Variants in SCAF8 observed in about 807,000 individuals in gnomAD.
SCAF8 encodes SR-related CTD associated factor 8, also known as SR-related and CTD-associated factor 8.
SCAF8 carries 23 observed loss-of-function variants against 140.5 expected under a neutral mutation model. That is an observed-to-expected ratio of 0.16 (90% CI 0.12 to 0.23). The LOEUF is 0.23. SCAF8 is among the 10% of genes least tolerant of loss of function. SCAF8 has a pLI of 1.00. For synonymous variants in SCAF8, 575 were observed against 528.9 expected (o/e 1.09, Z -1.20); for missense variants, 1,397 against 1,555.7 (o/e 0.90, Z 1.72).
chr6:154,816,314 T>C (rs757754953), intron 13 of SCAF8, among the ~76,000 whole-genome samples: 1 of 152,140 alleles, frequency 6.6e-6, no homozygotes, highest in Non-Finnish European at 1.5e-5. Context: ...AAATGTTAGG[T>C]AAGAAAATCA....
At chr6:154,806,035 G>T (rs72993460) in intron 9 of SCAF8, among the ~76,000 whole-genome samples, 3,302 of 152,260 alleles carry the variant, frequency 0.022, 39 homozygotes, top group African/African-American at 0.025. Flanking sequence ...CAGAGGAAGT[G>T]GAAGCTTGGT....
rs57095332 is a variant in SCAF8, at chr6:154,790,489, A to ATTTTTTTTTTTTTTTTTTTTTTTTTTT, written c.322-2321_322-2295dup. On this transcript the variant is annotated intron_variant, in intron 4 of 19. Transcript: ENST00000367178. ...TTGTAAAACATATACATTTAACAGA[A>ATTTTTTTTTTTTTTTTTTTTTTTTTTT]TTTTTTTTTTTTTTTTTTTTTTTTT... 1.1e-4 allele frequency among the ~76,000 whole-genome samples: 8 copies of ATTTTTTTTTTTTTTTTTTTTTTTTTTT among 70,878 alleles called. 2 individuals are homozygous for ATTTTTTTTTTTTTTTTTTTTTTTTTTT. Among genetic ancestry groups the ATTTTTTTTTTTTTTTTTTTTTTTTTTT allele is most frequent in the Non-Finnish European group, 1.1e-4 (4 of 37,996 alleles). The allele number at this position is 70,878 out of a possible 152,430, so 46.5% of individuals were successfully genotyped here. A position where few individuals can be genotyped will look rare whatever the true frequency, so the allele number is the denominator to read the frequency against.
At chr6:154,785,846 C>T (rs1358790972) in intron 3 of SCAF8, among the ~76,000 whole-genome samples, 1 of 152,122 alleles carries the variant, frequency 6.6e-6, no homozygotes, top group Non-Finnish European at 1.5e-5. Flanking sequence ...TTCGTTCTTA[C>T]CTTTCTCCCC....
At chr6:154,784,494 C>T (rs181888499) in intron 3 of SCAF8, among the ~76,000 whole-genome samples, 2 of 152,318 alleles carry the variant, frequency 1.3e-5, no homozygotes, top group African/African-American at 4.8e-5. Context: ...ATTACAGTCA[C>T]TCTTCCGTTT....
intron 1 of SCAF8, among the ~76,000 whole-genome samples, chr6:154,753,617 AAATAC>A (rs1461253532): frequency 6.6e-6 from 1 of 152,206 alleles, no homozygotes; most frequent in East Asian, 1.9e-4. Context: ...AAAAATAAAT[AAATAC>A]ATGTATAAAG....
chr6:154,735,665 C>A (rs761196941), intron 1 of SCAF8, among the ~76,000 whole-genome samples: 6 of 151,874 alleles, frequency 4.0e-5, no homozygotes, highest in Non-Finnish European at 8.8e-5. Flanking sequence ...AGGCGCACAT[C>A]ACCACGCCCC....
At chr6:154,818,004 G>A (rs1028094927) in intron 13 of SCAF8, among the ~76,000 whole-genome samples, 4 of 152,004 alleles carry the variant, frequency 2.6e-5, no homozygotes, top group Admixed American at 6.6e-5. Flanking sequence ...TTTATATTAA[G>A]GATAAGATAA....
intron 1 of SCAF8, among the ~76,000 whole-genome samples, chr6:154,744,206 C>G (rs1023284745): frequency 2.0e-5 from 3 of 152,052 alleles, no homozygotes; most frequent in African/African-American, 7.2e-5. Context: ...GGCAGGAAAT[C>G]GCTTGAACCG....
rs1426239822 is a variant in SCAF8, at chr6:154,733,547, G to C, written c.-354G>C. 1 of 1,282,198 alleles carries C rather than the reference G, an allele frequency of 7.8e-7. No homozygotes were observed. The highest frequency in any genetic ancestry group is 9.9e-7 in the Non-Finnish European group (1 of 1,014,764). The allele number at this position is 1,282,198 out of a possible 1,614,324, so 79.4% of individuals were successfully genotyped here. A position where few individuals can be genotyped will look rare whatever the true frequency, so the allele number is the denominator to read the frequency against. Reference sequence around the variant, plus strand: ...GGAGGAAGGGGCAGAAGGGAGTGGAGAGTGTAGGGGAAGGGGCTAGAGGGA... The same window carrying C: ...GGAGGAAGGGGCAGAAGGGAGTGGACAGTGTAGGGGAAGGGGCTAGAGGGA... On this transcript the variant is annotated 5_prime_UTR_variant, in exon 1 of 20. Transcript: ENST00000367178.
At chr6:154,821,719 C>T (rs1197224046) in intron 15 of SCAF8, among the ~76,000 whole-genome samples, 1 of 152,162 alleles carries the variant, frequency 6.6e-6, no homozygotes, top group African/African-American at 2.4e-5. Context: ...TTATAGCTTG[C>T]GCAGAGTGAG....
At chr6:154,778,172 A>G (rs1776970397) in intron 3 of SCAF8, 127 bp downstream of exon 3, 3 of 566,486 alleles carry the variant, frequency 5.3e-6, no homozygotes, top group Non-Finnish European at 9.2e-6. Context: ...CAGTTATTTT[A>G]TTTTCCAATT....
chr6:154,828,806 A>G (rs1396755528), intron 18 of SCAF8, among the ~76,000 whole-genome samples: 1 of 152,196 alleles, frequency 6.6e-6, no homozygotes, highest in Non-Finnish European at 1.5e-5. Flanking sequence ...TGAACAGAAA[A>G]AAATGAATAT....
chr6:154,761,203 G>C lies in SCAF8; in HGVS notation c.31-12786G>C, dbSNP rs535292342. On this transcript the variant is annotated intron_variant, in intron 1 of 19. Coordinates refer to ENST00000367178, the MANE Select transcript of SCAF8 (RefSeq NM_014892.5). ...TGTGCTTTGTTTGCAGTTACATGTG[G>C]TATGTTTTTTTCAAAGATGCTTTTG... is the stretch of plus-strand genomic sequence containing the variant. 1.7e-4 allele frequency among the ~76,000 whole-genome samples: 26 copies of C among 152,246 alleles called. 1 individual carries two copies. Among genetic ancestry groups the C allele is most frequent in the African/African-American group, 5.8e-4 (24 of 41,560 alleles).
intron 5 of SCAF8, among the ~76,000 whole-genome samples, chr6:154,793,774 C>T (rs886159936): frequency 3.7e-5 from 5 of 134,114 alleles, no homozygotes; most frequent in Admixed American, 2.6e-4. Context: ...GAGATCGCGC[C>T]GTTGCACTCC....
chr6:154,830,314 T>C (rs1181526675), intron 18 of SCAF8, among the ~76,000 whole-genome samples: 2 of 152,258 alleles, frequency 1.3e-5, no homozygotes, highest in Non-Finnish European at 2.9e-5. Context: ...AAGTGACATA[T>C]TGGGCTAAAA....
chr6:154,828,474 T>C (rs917497470), intron 18 of SCAF8, among the ~76,000 whole-genome samples: 2 of 152,128 alleles, frequency 1.3e-5, no homozygotes, highest in Admixed American at 6.6e-5. Flanking sequence ...CTTCAGTTTC[T>C]TTAGTATTTA....
chr6:154,774,233 C>G (rs9397203), intron 2 of SCAF8, among the ~76,000 whole-genome samples, 161 bp downstream of exon 2: 7,772 of 152,214 alleles, frequency 0.051, 559 homozygotes, highest in African/African-American at 0.16. Flanking sequence ...CCTGTAGACT[C>G]TCCCACCTAG....
At chr6:154,804,997 T>C (rs933622172) in intron 8 of SCAF8, among the ~76,000 whole-genome samples, 4 of 152,148 alleles carry the variant, frequency 2.6e-5, no homozygotes, top group Admixed American at 1.3e-4. Flanking sequence ...TTCTATCTCA[T>C]AGTAAGAGAA....
intron 1 of SCAF8, among the ~76,000 whole-genome samples, chr6:154,750,063 A>G (rs550154555): frequency 6.6e-6 from 1 of 151,396 alleles, no homozygotes; most frequent in Non-Finnish European, 1.5e-5. Context: ...CCAGTCACTA[A>G]GATGGGCAAA....
Sources: gnomAD v4.1 joint callset for allele counts (sites outside exome capture counted in the v4.1 genomes callset) on GRCh38, gnomAD v4.1.1 for gene constraint, MANE v1.5 for transcripts, NCBI Gene and HGNC (gene_info 2026-07-23, HGNC 2026-07-21) for gene names.